DNAI2: variants seen among roughly 807,000 people sequenced by gnomAD.
DNAI2 encodes the protein dynein axonemal intermediate chain 2.
In DNAI2, 63 loss-of-function variants were observed where a neutral mutation model predicts 74.7. The observed-to-expected ratio is 0.84, with a 90% CI of 0.69 to 1.04. The LOEUF is 1.04. DNAI2 is among the 50% of genes least tolerant of loss of function. The pLI, the probability that DNAI2 is intolerant of heterozygous loss-of-function variation, is 0.00. For synonymous variants in DNAI2, 289 were observed against 314.9 expected (o/e 0.92, Z 0.87); for missense variants, 688 against 803.2 (o/e 0.86, Z 1.73).
intron 9 of DNAI2, among the ~76,000 whole-genome samples, chr17:74,308,177 A>G (rs2053297333): frequency 6.6e-6 from 1 of 152,178 alleles, no homozygotes; most frequent in African/African-American, 2.4e-5. Context: ...GGTGACTGGG[A>G]AGTGTAGTCT....
chr17:74,295,187 G>A (rs191601564), intron 6 of DNAI2, among the ~76,000 whole-genome samples: 62 of 145,464 alleles, frequency 4.3e-4, no homozygotes, highest in Middle Eastern at 3.6e-3. Flanking sequence ...CTGAACTCAG[G>A]AGTTCAAGAC....
At chr17:74,304,272 G>GCAA (rs2053056018) in intron 8 of DNAI2, among the ~76,000 whole-genome samples, 1 of 122,830 alleles carries the variant, frequency 8.1e-6, no homozygotes, top group Non-Finnish European at 1.6e-5. Context: ...TCGGCTCACT[G>GCAA]CAACCTCTGC....
chr17:74,310,014 TAGGTGTGTGACG>T lies in DNAI2; in HGVS notation c.1349_1360del (p.Val450_Glu453del). Reference sequence around the variant, plus strand: ...ACCTGGGTCTGCCCGGCCCCTTCAATAGGTGTGTGACGAGGCCCTCTTCTGCCTCCGGGTGCA... The same window carrying T: ...ACCTGGGTCTGCCCGGCCCCTTCAATAGGCCCTCTTCTGCCTCCGGGTGCA... On this transcript the variant is annotated splice_acceptor_variant and coding_sequence_variant, in exon 11 of 14. Coordinates refer to ENST00000311014, the MANE Select transcript of DNAI2 (RefSeq NM_023036.6). LOFTEE classifies it high-confidence loss of function. 1 of 1,613,808 alleles carries T rather than the reference TAGGTGTGTGACG, an allele frequency of 6.2e-7. No individual in the cohort carries two copies. The highest frequency in any genetic ancestry group is 8.5e-7 in the Non-Finnish European group (1 of 1,180,022).
At chr17:74,287,417 C>T (rs1598284350) in intron 4 of DNAI2, among the ~76,000 whole-genome samples, 3 of 152,336 alleles carry the variant, frequency 2.0e-5, no homozygotes, top group Middle Eastern at 6.8e-3. Flanking sequence ...GGCACACAGG[C>T]CCCCGCCGCG....
At chr17:74,312,429 G>T (rs2053586916) in intron 12 of DNAI2, among the ~76,000 whole-genome samples, 199 bp downstream of exon 12, 1 of 152,184 alleles carries the variant, frequency 6.6e-6, no homozygotes, top group Non-Finnish European at 1.5e-5. Flanking sequence ...CAGACTTCAG[G>T]CTCCTTACAG....
intron 1 of DNAI2, among the ~76,000 whole-genome samples, chr17:74,278,552 G>A (rs1034991544): frequency 6.6e-6 from 1 of 152,174 alleles, no homozygotes; most frequent in Non-Finnish European, 1.5e-5. Context: ...ACATATTCTG[G>A]ATGCAAGTTC....
intron 1 of DNAI2, among the ~76,000 whole-genome samples, chr17:74,279,575 T>C (rs1359805607): frequency 6.6e-6 from 1 of 152,222 alleles, no homozygotes; most frequent in Non-Finnish European, 1.5e-5. Flanking sequence ...TCATCCAGGC[T>C]GGAGTGCAGT....
chr17:74,295,646 A>AT (rs60402619), intron 6 of DNAI2, among the ~76,000 whole-genome samples: 11 of 151,198 alleles, frequency 7.3e-5, no homozygotes, highest in African/African-American at 1.9e-4. Context: ...ATGTCTTATA[A>AT]TTTTTTTTTT....
intron 9 of DNAI2, among the ~76,000 whole-genome samples, chr17:74,305,903 C>T (rs934447940): frequency 6.6e-6 from 1 of 152,078 alleles, no homozygotes; most frequent in African/African-American, 2.4e-5. Flanking sequence ...AACTCCTGAC[C>T]TCAGGTGATC....
chr17:74,298,577 G>A (rs1300997949), intron 6 of DNAI2, among the ~76,000 whole-genome samples: 2 of 152,172 alleles, frequency 1.3e-5, no homozygotes, highest in African/African-American at 4.8e-5. Flanking sequence ...AAAGTGCTGG[G>A]ATTACAGGTG....
chr17:74,305,173 T>A (rs771197484), intron 8 of DNAI2, 46 bp from the exon 9 acceptor site: 15 of 1,600,936 alleles, frequency 9.4e-6, no homozygotes, highest in Non-Finnish European at 1.3e-5. Context: ...AATCCCAGAA[T>A]TGATGGTTCG....
chr17:74,299,231 G>A (rs149485866), intron 6 of DNAI2, among the ~76,000 whole-genome samples: 2 of 152,250 alleles, frequency 1.3e-5, no homozygotes, highest in East Asian at 3.9e-4. Context: ...AGGCAGCAGA[G>A]GTACAAAGGA....
chr17:74,302,492 G>A (rs1235403218), intron 8 of DNAI2, among the ~76,000 whole-genome samples: 1 of 152,184 alleles, frequency 6.6e-6, no homozygotes. Flanking sequence ...GCTTGAACCT[G>A]GGAGGCGGGG....
At chr17:74,296,400 A>T (rs1239231104) in intron 6 of DNAI2, among the ~76,000 whole-genome samples, 4 of 141,210 alleles carry the variant, frequency 2.8e-5, no homozygotes, top group Non-Finnish European at 3.2e-5. Context: ...AGAGAGAGAG[A>T]AAGAAAGAAA....
chr17:74,305,670 CTTTTT>C (rs4007906), intron 9 of DNAI2, among the ~76,000 whole-genome samples: 1 of 122,246 alleles, frequency 8.2e-6, no homozygotes, highest in Non-Finnish European at 1.7e-5. Context: ...ATTTTATTTC[CTTTTT>C]TTTTTTTTTT....
chr17:74,310,187 A>T, intron 11 of DNAI2, 24 bp downstream of exon 11: 1 of 1,612,014 alleles, frequency 6.2e-7, no homozygotes, highest in Admixed American at 1.7e-5. Context: ...GCCTGGGGAA[A>T]ATCCCTCCAG....
At chr17:74,285,683 C>T (rs1414484914) in intron 3 of DNAI2, among the ~76,000 whole-genome samples, 1 of 151,908 alleles carries the variant, frequency 6.6e-6, no homozygotes, top group Non-Finnish European at 1.5e-5. Context: ...AAAGAGATTG[C>T]AGTCCATTGG....
Position 74,281,984 on chromosome 17 carries a change from G to T in DNAI2, c.167G>T (p.Ser56Ile). ...PVDTGIQCSISMSEHEANSER... is the reference protein window; with the variant it reads ...PVDTGIQCSIIMSEHEANSER... Reference sequence around the variant, plus strand: ...GACACGGGCATCCAGTGCTCGATCAGCATGTCGGAACACGAGGTGGGTCCC... The same window carrying T: ...GACACGGGCATCCAGTGCTCGATCATCATGTCGGAACACGAGGTGGGTCCC... The change falls in exon 2 of 14, where the codon AGC becomes ATC. Residue 56 changes from serine to isoleucine, a missense_variant. Coordinates refer to ENST00000311014, the MANE Select transcript of DNAI2 (RefSeq NM_023036.6). 6.2e-7 allele frequency: 1 copy of T among 1,614,098 alleles called. No homozygotes were observed. The highest frequency in any genetic ancestry group is 8.5e-7 in the Non-Finnish European group (1 of 1,180,024).
intron 1 of DNAI2, among the ~76,000 whole-genome samples, chr17:74,274,974 T>C (rs2050976834): frequency 1.3e-5 from 2 of 152,192 alleles, no homozygotes; most frequent in African/African-American, 4.8e-5. Flanking sequence ...TCTCCCAGCT[T>C]TCAGACCCTA....
Sources: gnomAD v4.1 joint callset for allele counts (sites outside exome capture counted in the v4.1 genomes callset) on GRCh38, gnomAD v4.1.1 for gene constraint, MANE v1.5 for transcripts, NCBI Gene and HGNC (gene_info 2026-07-23, HGNC 2026-07-21) for gene names.